Variants in DPP6 observed in about 807,000 individuals in gnomAD.
The protein encoded by DPP6 is A-type potassium channel modulatory protein DPP6.
DPP6 carries 69 observed loss-of-function variants against 122.6 expected under a neutral mutation model. The ratio of observed to expected loss-of-function variants is 0.56; its 90% CI spans 0.46 to 0.69. DPP6 has a LOEUF of 0.69. DPP6 is among the 30% of genes least tolerant of loss of function. DPP6 has a pLI of 0.00. For synonymous variants in DPP6, 418 were observed against 433.1 expected (o/e 0.97, Z 0.43); for missense variants, 928 against 1,116.9 (o/e 0.83, Z 2.41).
chr7:154,874,204 C>T (rs1401694849), intron 19 of DPP6, among the ~76,000 whole-genome samples: 3 of 152,236 alleles, frequency 2.0e-5, no homozygotes, highest in Non-Finnish European at 4.4e-5. Flanking sequence ...CCCACTTTCT[C>T]CAGGATGCTA....
At chr7:154,157,703 G>A (rs533634397) in intron 1 of DPP6, among the ~76,000 whole-genome samples, 2 of 152,216 alleles carry the variant, frequency 1.3e-5, no homozygotes, top group East Asian at 3.9e-4. Flanking sequence ...GGAGGCCGAG[G>A]CAGGCGAATC....
rs1828094005 is a variant in DPP6 at position 154,534,651 on chromosome 7, A to G, written c.458-5881A>G. Among the ~76,000 whole-genome samples the G allele has an allele frequency of 2.0e-5, 3 of 152,178 alleles. No homozygotes were observed. In the South Asian group the frequency reaches 6.2e-4, roughly 31 times the overall value. ...AAATATTGGGAAATTTTGGGATTAA[A>G]TTATTAAAAAGAAATTCAACATCTG... is the stretch of plus-strand genomic sequence containing the variant. On this transcript the variant is annotated intron_variant, in intron 3 of 25. Transcript: ENST00000377770.
At chr7:154,630,512 A>C (rs1004872308) in intron 5 of DPP6, among the ~76,000 whole-genome samples, 4 of 152,228 alleles carry the variant, frequency 2.6e-5, no homozygotes, top group African/African-American at 9.6e-5. Flanking sequence ...GGAAACAGAG[A>C]ATTCTTTAGC....
At chr7:154,738,754 G>C (rs1842685114) in intron 8 of DPP6, among the ~76,000 whole-genome samples, 1 of 152,238 alleles carries the variant, frequency 6.6e-6, no homozygotes, top group African/African-American at 2.4e-5. Context: ...TCAGTGCTAA[G>C]AGCAGAGACC....
At chr7:154,615,535 G>A (rs909477281) in intron 5 of DPP6, among the ~76,000 whole-genome samples, 11 of 152,050 alleles carry the variant, frequency 7.2e-5, no homozygotes, top group Non-Finnish European at 1.3e-4. Flanking sequence ...TTAACCATCC[G>A]TAAGTAAGTA....
intron 1 of DPP6, chr7:154,095,423 G>A (rs1487300090): frequency 7.0e-6 from 1 of 142,724 alleles, no homozygotes; most frequent in African/African-American, 2.5e-5. Context: ...CCCGCAGGGG[G>A]CGCTCTTTTT....
intron 1 of DPP6, among the ~76,000 whole-genome samples, chr7:153,968,114 T>G (rs556407360): frequency 6.7e-6 from 1 of 150,150 alleles, no homozygotes; most frequent in Non-Finnish European, 1.5e-5. Flanking sequence ...ATTTCAACTC[T>G]TAGTTCTTTG....
rs139074455 is a variant in DPP6, at chr7:154,262,924, C to T, written c.244-183290C>T. ...AGACACAGTAGTCTATGCACGTTTC[C>T]GATTTATTAGGTTACGACAGTGGGG... On this transcript the variant is annotated intron_variant, in intron 1 of 25. Transcript: ENST00000377770. Among the ~76,000 whole-genome samples, 912 of 152,224 alleles carry T rather than the reference C, an allele frequency of 6.0e-3. 15 individuals are homozygous for T. The highest frequency in any genetic ancestry group is 0.02 in the African/African-American group (830 of 41,542).
chr7:153,874,621 C>G, the DPP6 span, among the ~76,000 whole-genome samples: 1 of 152,180 alleles, frequency 6.6e-6, no homozygotes, highest in East Asian at 1.9e-4. Context: ...AGTGATCCAC[C>G]CACCTAGGCC....
At chr7:154,671,418 A>G (rs1250305019) in intron 7 of DPP6, among the ~76,000 whole-genome samples, 1 of 152,204 alleles carries the variant, frequency 6.6e-6, no homozygotes, top group East Asian at 1.9e-4. Flanking sequence ...GAAGACCATC[A>G]TAATGTGACC....
intron 4 of DPP6, among the ~76,000 whole-genome samples, chr7:154,557,427 C>T (rs73165004): frequency 0.16 from 24,556 of 152,140 alleles, 2,239 homozygotes; most frequent in Non-Finnish European, 0.21. Context: ...ATCAGCCCCA[C>T]TGTTGCCACT....
intron 5 of DPP6, among the ~76,000 whole-genome samples, chr7:154,590,715 G>A (rs1015822887): frequency 1.5e-4 from 22 of 150,590 alleles, no homozygotes; most frequent in Non-Finnish European, 1.9e-4. Flanking sequence ...TGTATGTTTA[G>A]TAGAGACGGG....
chr7:154,179,193 G>A (rs1434269004), intron 1 of DPP6, among the ~76,000 whole-genome samples: 2 of 152,214 alleles, frequency 1.3e-5, no homozygotes, highest in African/African-American at 4.8e-5. Context: ...AAGACTGAGT[G>A]TGCTGCCAGC....
At chr7:154,571,270 G>A (rs1006569419) in intron 5 of DPP6, among the ~76,000 whole-genome samples, 3 of 152,030 alleles carry the variant, frequency 2.0e-5, no homozygotes, top group Non-Finnish European at 2.9e-5. Flanking sequence ...TGACAAATAT[G>A]AAACATTTCC....
chr7:154,884,235 AC>A, intron 21 of DPP6: 1 of 145,910 alleles, frequency 6.9e-6, no homozygotes, highest in Non-Finnish European at 1.5e-5. Flanking sequence ...GCTCACACAC[AC>A]ACATGCTCAC....
the DPP6 span, among the ~76,000 whole-genome samples, chr7:153,793,138 T>G: frequency 7.2e-5 from 11 of 152,196 alleles, no homozygotes; most frequent in African/African-American, 2.2e-4. Context: ...CCTGAAAATG[T>G]GGAAGTGACA....
chr7:154,604,642 A>G lies in DPP6; in HGVS notation c.628-33179A>G, dbSNP rs1169234138. On this transcript the variant is annotated intron_variant, in intron 5 of 25. Coordinates refer to ENST00000377770, the MANE Select transcript of DPP6 (RefSeq NM_130797.4). Reference sequence around the variant, plus strand: ...TATAATTTAGAATAATTACTTCTGCATAATTTTAAAATAGGGTAAATTAGT... The same window carrying G: ...TATAATTTAGAATAATTACTTCTGCGTAATTTTAAAATAGGGTAAATTAGT... Among the ~76,000 whole-genome samples the G allele has an allele frequency of 1.7e-5, 2 of 121,184 alleles. 1 individual carries two copies. Among genetic ancestry groups the G allele is most frequent in the African/African-American group, 5.2e-5 (2 of 38,166 alleles). 79.5% of individuals were successfully genotyped at this position (121,184 alleles called of 152,430 possible). A position where few individuals can be genotyped will look rare whatever the true frequency, so the allele number is the denominator to read the frequency against.
intron 1 of DPP6, among the ~76,000 whole-genome samples, chr7:153,888,669 C>T (rs1037526021): frequency 3.4e-5 from 5 of 148,590 alleles, no homozygotes; most frequent in African/African-American, 1.0e-4. Flanking sequence ...GAGAAGAATC[C>T]TCTGACGGTC....
intron 1 of DPP6, among the ~76,000 whole-genome samples, chr7:154,017,717 A>C (rs1354822345): frequency 1.7e-5 from 2 of 121,132 alleles, no homozygotes; most frequent in Non-Finnish European, 3.3e-5. Context: ...ATAAAAAAAA[A>C]ATAAAAAAAT....
Sources: gnomAD v4.1 joint callset for allele counts (sites outside exome capture counted in the v4.1 genomes callset) on GRCh38, gnomAD v4.1.1 for gene constraint, MANE v1.5 for transcripts, NCBI Gene and HGNC (gene_info 2026-07-23, HGNC 2026-07-21) for gene names.